Variants in SNTG2 observed in about 807,000 individuals in gnomAD.
The protein encoded by SNTG2 is gamma-2-syntrophin.
Under a neutral mutation model 70.9 loss-of-function variants are expected in SNTG2, and 74 were observed. The observed-to-expected ratio is 1.04, with a 90% CI of 0.86 to 1.27. The LOEUF (loss-of-function observed/expected upper bound fraction) is 1.27, where lower values mean the gene tolerates loss of function less well. Ranked by LOEUF, SNTG2 falls within the 50% of genes most tolerant of loss-of-function variation. SNTG2 has a pLI of 0.00. For synonymous variants in SNTG2, 278 were observed against 273.8 expected, an observed-to-expected ratio of 1.02 and a Z score of -0.15; for missense variants, 717 against 690.7, an observed-to-expected ratio of 1.04 and a Z score of -0.43.
chr2:952,809 G>C (rs74344539), intron 1 of SNTG2, among the ~76,000 whole-genome samples: 1 of 152,172 alleles, frequency 6.6e-6, no homozygotes, highest in South Asian at 2.1e-4. Context: ...AGATTCTTAT[G>C]TATTTAAAAC....
At chr2:1,032,063 A>G (rs1452957452) in intron 1 of SNTG2, among the ~76,000 whole-genome samples, 1 of 152,210 alleles carries the variant, frequency 6.6e-6, no homozygotes, top group Non-Finnish European at 1.5e-5. Flanking sequence ...ATTATTAAAT[A>G]AAAGTAGCTA....
intron 8 of SNTG2, among the ~76,000 whole-genome samples, chr2:1,179,622 G>A (rs907591862): frequency 2.0e-5 from 3 of 151,734 alleles, no homozygotes; most frequent in Non-Finnish European, 4.4e-5. Context: ...AATCAATATC[G>A]TGAAAATGAC....
Position 1,221,759 on chromosome 2 carries a change from C to CTGTCTCTGTCTCTG in SNTG2, c.719+12530_719+12531insGTCTCTGTCTCTGT. On this transcript the variant is annotated intron_variant, in intron 9 of 16. Transcript: ENST00000308624. ...TCTCTCTCTGTCTCTGTCTGTGTCT[C>CTGTCTCTGTCTCTG]TCTCTGTCTCTGCCTCTCTCTGTCT... is the stretch of plus-strand genomic sequence containing the variant. Among the ~76,000 whole-genome samples, 2 of 21,058 alleles carry CTGTCTCTGTCTCTG rather than the reference C, an allele frequency of 9.5e-5. 1 individual carries two copies. Among genetic ancestry groups the CTGTCTCTGTCTCTG allele is most frequent in the Non-Finnish European group, 1.6e-4 (2 of 12,604 alleles). 13.8% of individuals were successfully genotyped at this position (21,058 alleles called of 152,430 possible).
At chr2:1,364,323 TATGGTACCA>T (rs1194159583) in intron 16 of SNTG2, among the ~76,000 whole-genome samples, 2 of 151,304 alleles carry the variant, frequency 1.3e-5, no homozygotes, top group Non-Finnish European at 2.9e-5. Context: ...AACTTCAACT[TATGGTACCA>T]AAAACTATTG....
chr2:1,185,015 C>G (rs1242195108), intron 8 of SNTG2, among the ~76,000 whole-genome samples: 1 of 152,212 alleles, frequency 6.6e-6, no homozygotes, highest in Non-Finnish European at 1.5e-5. Context: ...TTCCAAGATA[C>G]AATGGGTATA....
At chr2:1,023,384 G>C (rs1053103136) in intron 1 of SNTG2, among the ~76,000 whole-genome samples, 2 of 152,084 alleles carry the variant, frequency 1.3e-5, no homozygotes, top group African/African-American at 4.8e-5. Context: ...AATTGATGCT[G>C]TGTTGGAGGC....
chr2:1,336,404 T>C (rs1659818061), intron 16 of SNTG2, among the ~76,000 whole-genome samples: 2 of 152,348 alleles, frequency 1.3e-5, no homozygotes, highest in South Asian at 4.1e-4. Context: ...TCCTCCATTC[T>C]TTAGGTAGTC....
At chr2:1,101,482 ATTTAT>A (rs1409698966) in intron 4 of SNTG2, among the ~76,000 whole-genome samples, 17 of 152,220 alleles carry the variant, frequency 1.1e-4, no homozygotes, top group Non-Finnish European at 1.9e-4. Flanking sequence ...GCTTGGTCTC[ATTTAT>A]TTTATGTCTT....
chr2:1,298,920 C>A (rs1264538179), intron 14 of SNTG2, among the ~76,000 whole-genome samples: 2 of 152,186 alleles, frequency 1.3e-5, no homozygotes. Context: ...TTCTCCCATG[C>A]TGGGTGCTTC....
rs1669001002 is a variant in SNTG2, at chr2:1,144,923, A to C, written c.411+7114A>C. ...GTTAAACTAGAGATCAATAACAGAT[A>C]GCTGGGAAGTCACAAAATGCTTGGA... On this transcript the variant is annotated intron_variant, in intron 6 of 16. Coordinates refer to ENST00000308624, the MANE Select transcript of SNTG2 (RefSeq NM_018968.4). Among the ~76,000 whole-genome samples the C allele has an allele frequency of 2.6e-5, 4 of 152,352 alleles. No individual in the cohort carries two copies. The South Asian group carries it at 8.3e-4, about 32-fold the overall frequency.
intron 1 of SNTG2, among the ~76,000 whole-genome samples, chr2:1,057,138 T>A (rs929478569): frequency 4.6e-5 from 7 of 152,080 alleles, no homozygotes; most frequent in Non-Finnish European, 8.8e-5. Context: ...GGCCTATTTC[T>A]GCTAGAAGCT....
intron 4 of SNTG2, among the ~76,000 whole-genome samples, chr2:1,114,907 C>A (rs1319140639): frequency 2.0e-5 from 3 of 151,954 alleles, no homozygotes; most frequent in African/African-American, 7.3e-5. Context: ...CCCTTACAGT[C>A]CTTTGAGGAG....
At chr2:1,277,647 G>C (rs1679321929) in intron 14 of SNTG2, among the ~76,000 whole-genome samples, 1 of 152,214 alleles carries the variant, frequency 6.6e-6, no homozygotes, top group Non-Finnish European at 1.5e-5. Flanking sequence ...TCCAAAGTCA[G>C]CCTGTGAATT....
chr2:1,194,884 C>A (rs1380720324), intron 8 of SNTG2, among the ~76,000 whole-genome samples: 4 of 152,110 alleles, frequency 2.6e-5, no homozygotes, highest in African/African-American at 7.2e-5. Flanking sequence ...CCTAGTCCCC[C>A]ACTCCACAAC....
chr2:1,058,214 G>GAA (rs147021151), intron 1 of SNTG2, among the ~76,000 whole-genome samples: 2 of 150,136 alleles, frequency 1.3e-5, no homozygotes, highest in African/African-American at 4.9e-5. Context: ...ACAGTTTTTT[G>GAA]AAAAAAAAAG....
chr2:1,168,789 CATGA>C (rs1670925838), intron 7 of SNTG2, among the ~76,000 whole-genome samples: 1 of 152,144 alleles, frequency 6.6e-6, no homozygotes, highest in Non-Finnish European at 1.5e-5. Context: ...GCCACGGGAG[CATGA>C]ATGAAGACCT....
At chr2:1,001,931 A>G (rs1659407922) in intron 1 of SNTG2, among the ~76,000 whole-genome samples, 2 of 152,192 alleles carry the variant, frequency 1.3e-5, no homozygotes, top group South Asian at 4.1e-4. Flanking sequence ...AGATCAAGGA[A>G]CAGAATAGAG....
chr2:972,119 T>A (rs1660763964), intron 1 of SNTG2, among the ~76,000 whole-genome samples: 1 of 152,158 alleles, frequency 6.6e-6, no homozygotes, highest in Non-Finnish European at 1.5e-5. Flanking sequence ...ATTCTGTTGT[T>A]TGGGGGTATA....
At chr2:1,328,345 ATG>A (rs1681844823) in intron 16 of SNTG2, among the ~76,000 whole-genome samples, 1 of 152,218 alleles carries the variant, frequency 6.6e-6, no homozygotes, top group Non-Finnish European at 1.5e-5. Context: ...GTACCTGTGT[ATG>A]TATCTAAATG....
Sources: gnomAD v4.1 joint callset for allele counts (sites outside exome capture counted in the v4.1 genomes callset) on GRCh38, gnomAD v4.1.1 for gene constraint, MANE v1.5 for transcripts, NCBI Gene and HGNC (gene_info 2026-07-23, HGNC 2026-07-21) for gene names.